PIKFYVE: variants seen among roughly 807,000 people sequenced by gnomAD.
PIKFYVE encodes the protein phosphoinositide kinase, FYVE-type zinc finger containing.
Under a neutral mutation model 257.9 loss-of-function variants are expected in PIKFYVE, and 122 were observed. That is an observed-to-expected ratio of 0.47 (90% confidence interval 0.41 to 0.55). The LOEUF is 0.55. Ranked by LOEUF, PIKFYVE falls within the 20% of genes least tolerant of loss-of-function variation. The pLI is 0.00. For missense variants in PIKFYVE, 2,160 were observed against 2,536.6 expected, an observed-to-expected ratio of 0.85 and a Z score of 3.19; for synonymous variants, 892 against 868.9, an observed-to-expected ratio of 1.03 and a Z score of -0.47.
chr2:208,333,069 C>T (rs937912469), intron 23 of PIKFYVE, among the ~76,000 whole-genome samples: 3 of 151,720 alleles, frequency 2.0e-5, no homozygotes, highest in Non-Finnish European at 2.9e-5. Context: ...CCTGTCTCTA[C>T]TAAAAATACA....
chr2:208,266,711 C>T (rs925719975), intron 1 of PIKFYVE, among the ~76,000 whole-genome samples: 3 of 152,204 alleles, frequency 2.0e-5, no homozygotes, highest in Non-Finnish European at 4.4e-5. Context: ...ACCCTTACGC[C>T]TGAACTTAAT....
chr2:208,341,878 A>C (rs948229160), intron 31 of PIKFYVE, among the ~76,000 whole-genome samples: 10 of 152,160 alleles, frequency 6.6e-5, no homozygotes, highest in Non-Finnish European at 1.5e-4. Flanking sequence ...AGCACTTACC[A>C]CAGAGATTAT....
intron 7 of PIKFYVE, among the ~76,000 whole-genome samples, chr2:208,297,402 T>C (rs567746913): frequency 5.1e-4 from 78 of 152,334 alleles, no homozygotes; most frequent in African/African-American, 1.9e-3. Context: ...GCTTATCGGC[T>C]ATTTGATATC....
chr2:208,291,562 A>T (rs1385120333), intron 7 of PIKFYVE, among the ~76,000 whole-genome samples: 1 of 152,070 alleles, frequency 6.6e-6, no homozygotes, highest in Non-Finnish European at 1.5e-5. Context: ...TTTATTTCTT[A>T]AATGTTTGGT....
intron 4 of PIKFYVE, among the ~76,000 whole-genome samples, 183 bp downstream of exon 4, chr2:208,277,013 C>G (rs1466075586): frequency 6.6e-6 from 1 of 152,066 alleles, no homozygotes; most frequent in Non-Finnish European, 1.5e-5. Flanking sequence ...GTTTTTTTCC[C>G]GTTATCCTTA....
upstream of PIKFYVE, chr2:208,266,065 C>T (rs547677745): frequency 1.3e-4 from 20 of 152,806 alleles, no homozygotes; most frequent in African/African-American, 4.3e-4. Context: ...CGCAGTCCCC[C>T]TGGCTTCTTC....
chr2:208,342,758 G>T (rs1698828121), intron 32 of PIKFYVE, 109 bp downstream of exon 32: 1 of 765,162 alleles, frequency 1.3e-6, no homozygotes, highest in Non-Finnish European at 2.2e-6. Flanking sequence ...TTAAATATAA[G>T]CAAAAATATA....
chr2:208,287,734 G>A (rs944139500), intron 6 of PIKFYVE, among the ~76,000 whole-genome samples: 1 of 152,022 alleles, frequency 6.6e-6, no homozygotes, highest in African/African-American at 2.4e-5. Flanking sequence ...CCAATTAGCT[G>A]GGATTACAGG....
rs762108047 is a variant in PIKFYVE at position 208,300,964 on chromosome 2, A to G, written c.1078A>G (p.Lys360Glu). 6.2e-7 allele frequency: 1 copy of G among 1,613,914 alleles called. No individual in the cohort carries two copies. The highest frequency in any genetic ancestry group is 1.3e-5 in the African/African-American group (1 of 74,906). The change falls in exon 9 of 42, where the codon AAA (lysine) becomes GAA (glutamate). Residue 360 changes from lysine to glutamate, a missense_variant. This residue lies in a region of PIKFYVE where 3 missense variants were observed against 17.5 expected (regional missense o/e 0.17). Coordinates refer to ENST00000264380, the MANE Select transcript of PIKFYVE (RefSeq NM_015040.4). Reference sequence around the variant, plus strand: ...CAGTGTGCAGTTAAAAGACCTGTGGAAAAAAATCTGCCATCACAGCAGTGG... The same window carrying G: ...CAGTGTGCAGTTAAAAGACCTGTGGGAAAAAATCTGCCATCACAGCAGTGG... ...LDSVQLKDLW[K>E]KICHHSSGME...
intron 2 of PIKFYVE, among the ~76,000 whole-genome samples, chr2:208,272,788 G>A (rs1401418158): frequency 6.7e-6 from 1 of 149,118 alleles, no homozygotes; most frequent in Non-Finnish European, 1.5e-5. Context: ...TTAAGACAAT[G>A]ATACTTAAAA....
intron 1 of PIKFYVE, among the ~76,000 whole-genome samples, chr2:208,268,890 T>G (rs1350160873): frequency 6.6e-6 from 1 of 152,112 alleles, no homozygotes; most frequent in Non-Finnish European, 1.5e-5. Context: ...AGACAAAGCC[T>G]TAAGTAGTTA....
At chr2:208,321,663 T>C (rs2196604) in intron 17 of PIKFYVE, among the ~76,000 whole-genome samples, 140,006 of 150,234 alleles carry the variant, frequency 0.93, 65,724 homozygotes, top group Non-Finnish European at 0.98. Context: ...CTGAAACCCC[T>C]GCCTCCCAGG....
chr2:208,302,178 T>C lies in PIKFYVE; in HGVS notation c.1209-64T>C, dbSNP rs147755960. ...AAAAAAATATTTTAAGGTTGTGTCT[T>C]ATCTGGTACTTAACTATTCTGACTG... On this transcript the variant is annotated intron_variant, in intron 9 of 41. Transcript: ENST00000264380. 71 of 1,361,226 alleles carry C rather than the reference T, an allele frequency of 5.2e-5. No individual in the cohort carries two copies. The East Asian group carries it at 1.4e-3, about 26-fold the overall frequency. The allele number at this position is 1,361,226 out of a possible 1,614,324, so 84.3% of individuals were successfully genotyped here.
chr2:208,297,552 T>TAC (rs1048401120), intron 7 of PIKFYVE, among the ~76,000 whole-genome samples: 2 of 151,968 alleles, frequency 1.3e-5, no homozygotes, highest in Non-Finnish European at 2.9e-5. Flanking sequence ...CTGATACATA[T>TAC]TAGGCGAGCT....
In PIKFYVE at chr2:208,342,668, T is replaced by G. The variant is rs200060215; in HGVS notation, c.5027+19T>G. 1.2e-4 allele frequency: 182 copies of G among 1,542,500 alleles called. No homozygotes were observed. In the East Asian group the frequency reaches 3.9e-3, roughly 33 times the overall value. On this transcript the variant is annotated intron_variant, in intron 32 of 41. Coordinates refer to ENST00000264380, the MANE Select transcript of PIKFYVE (RefSeq NM_015040.4). ...CTCTCAGGTATTATTCATGGGACTTTGACTTATGATGATATCTATGTATTT... is the reference window on the plus strand; with the variant it reads ...CTCTCAGGTATTATTCATGGGACTTGGACTTATGATGATATCTATGTATTT...
chr2:208,358,604 C>T lies in PIKFYVE; in HGVS notation c.*3299C>T, dbSNP rs1420074483. On this transcript the variant is annotated 3_prime_UTR_variant, in exon 42 of 42. Coordinates refer to ENST00000264380, the MANE Select transcript of PIKFYVE (RefSeq NM_015040.4). ...GAAAAATGCCACTATATTGAAAGTA[C>T]TTAATGTATTGTATATATTTCTCTA... is the stretch of plus-strand genomic sequence containing the variant. 12 of 150,282 alleles carry T rather than the reference C, an allele frequency of 8.0e-5. No homozygotes were observed. The Admixed American group carries it at 8.0e-4, about 10-fold the overall frequency. The allele number at this position is 150,282 out of a possible 1,614,324, so 9.3% of individuals were successfully genotyped here.
At chr2:208,273,984 C>A (rs764719112) in intron 3 of PIKFYVE, 56 of 1,602,480 alleles carry the variant, frequency 3.5e-5, no homozygotes, top group Non-Finnish European at 4.4e-5. Context: ...GATTTCTTGA[C>A]TATTTTTTGA....
At chr2:208,337,407 C>T (rs1698244454) in intron 28 of PIKFYVE, among the ~76,000 whole-genome samples, 1 of 151,724 alleles carries the variant, frequency 6.6e-6, no homozygotes, top group African/African-American at 2.4e-5. Context: ...GCCAAAACCA[C>T]AAATTTATAG....
intron 5 of PIKFYVE, among the ~76,000 whole-genome samples, chr2:208,284,749 G>C (rs1691319972): frequency 6.6e-6 from 1 of 152,044 alleles, no homozygotes; most frequent in South Asian, 2.1e-4. Context: ...GTTTCCATTT[G>C]TGTTGGTTTA....
Sources: gnomAD v4.1 joint callset for allele counts (sites outside exome capture counted in the v4.1 genomes callset) on GRCh38, gnomAD v4.1.1 for gene constraint, gnomAD v4.1.1 regional missense constraint, MANE v1.5 for transcripts, NCBI Gene and HGNC (gene_info 2026-07-23, HGNC 2026-07-21) for gene names.